ANO3: variants seen among roughly 807,000 people sequenced by gnomAD.
ANO3 encodes anoctamin 3.
A neutral mutation model predicts 144.8 loss-of-function variants in ANO3; 99 were observed. The ratio of observed to expected loss-of-function variants is 0.68; its 90% CI spans 0.58 to 0.81. The LOEUF (loss-of-function observed/expected upper bound fraction) is 0.81. ANO3 is among the 30% of genes least tolerant of loss of function. ANO3 has a pLI of 0.00. For synonymous variants in ANO3, 414 were observed against 392.6 expected (o/e 1.05, Z -0.64); for missense variants, 905 against 1,202.2 (o/e 0.75, Z 3.66).
At chr11:26,564,201 G>A (rs1394426693) in intron 14 of ANO3, among the ~76,000 whole-genome samples, 2 of 151,492 alleles carry the variant, frequency 1.3e-5, no homozygotes, top group Non-Finnish European at 3.0e-5. Context: ...ACAAAAGAGA[G>A]GAAGCATTTT....
intron 1 of ANO3, among the ~76,000 whole-genome samples, chr11:26,344,736 T>C (rs1452979703): frequency 6.6e-6 from 1 of 152,162 alleles, no homozygotes; most frequent in Non-Finnish European, 1.5e-5. Flanking sequence ...TGAATGGTGC[T>C]TCTCTATTTC....
intron 3 of ANO3, among the ~76,000 whole-genome samples, chr11:26,455,897 C>G (rs1859137043): frequency 6.6e-6 from 1 of 151,786 alleles, no homozygotes; most frequent in African/African-American, 2.4e-5. Context: ...TGGAACAGAA[C>G]AGAGCCCTCA....
At chr11:26,377,505 C>G (rs962721108) in intron 1 of ANO3, among the ~76,000 whole-genome samples, 5 of 151,778 alleles carry the variant, frequency 3.3e-5, no homozygotes, top group African/African-American at 9.7e-5. Flanking sequence ...AATAAAAACG[C>G]AAAATATAAC....
At position 26,245,018 on chromosome 11, in the gene ANO3, T is replaced by TGTGTGTGTGTGCGC. The variant is rs151031559; in HGVS notation, c.154+55691_154+55692insTGTGTGTGCGCGTG. Among the ~76,000 whole-genome samples, 245 of 145,418 alleles carry TGTGTGTGTGTGCGC rather than the reference T, an allele frequency of 1.7e-3. 5 individuals are homozygous for TGTGTGTGTGTGCGC. The highest frequency in any genetic ancestry group is 5.0e-3 in the African/African-American group (196 of 39,534). On this transcript the variant is annotated intron_variant, in intron 1 of 27. Transcript: ENST00000672621. ...GTGTGTGTGTGTGTGTGTGTGTGTG[T>TGTGTGTGTGTGCGC]GTGCATGCATGCATTTGTCTTTCAT...
At chr11:26,522,078 G>C (rs1291862309) in intron 6 of ANO3, among the ~76,000 whole-genome samples, 1 of 151,964 alleles carries the variant, frequency 6.6e-6, no homozygotes, top group East Asian at 1.9e-4. Flanking sequence ...CAGCTACTCG[G>C]GAGGCTGAGG....
chr11:26,649,448 G>T (rs72881757), intron 24 of ANO3, among the ~76,000 whole-genome samples: 20 of 152,292 alleles, frequency 1.3e-4, no homozygotes, highest in African/African-American at 2.9e-4. Context: ...TTCATAATAA[G>T]AAATGTTCGG....
chr11:26,647,338 A>C (rs1853377809), intron 23 of ANO3, among the ~76,000 whole-genome samples: 1 of 152,232 alleles, frequency 6.6e-6, no homozygotes, highest in South Asian at 2.1e-4. Flanking sequence ...GATATTTCAC[A>C]GTGTGCATAA....
intron 8 of ANO3, among the ~76,000 whole-genome samples, chr11:26,532,167 A>G (rs1849391044): frequency 6.6e-6 from 1 of 152,186 alleles, no homozygotes; most frequent in African/African-American, 2.4e-5. Flanking sequence ...ATAGCCATCA[A>G]TCAATGGGAA....
At chr11:26,361,040 G>A (rs1314404650) in intron 1 of ANO3, among the ~76,000 whole-genome samples, 1 of 152,096 alleles carries the variant, frequency 6.6e-6, no homozygotes, top group African/African-American at 2.4e-5. Context: ...TTTATACTCA[G>A]CATGTGACAA....
chr11:26,603,937 T>C (rs1009653270), intron 17 of ANO3, among the ~76,000 whole-genome samples: 1 of 152,162 alleles, frequency 6.6e-6, no homozygotes, highest in African/African-American at 2.4e-5. Context: ...TGATGGCATT[T>C]ATCATTTCTT....
chr11:26,253,166 C>CA (rs1220282455), intron 1 of ANO3, among the ~76,000 whole-genome samples: 2 of 152,104 alleles, frequency 1.3e-5, no homozygotes, highest in Non-Finnish European at 2.9e-5. Context: ...TCTCTACACA[C>CA]AAAAAACACA....
intron 10 of ANO3, among the ~76,000 whole-genome samples, chr11:26,540,377 C>T (rs1849613289): frequency 6.6e-6 from 1 of 152,084 alleles, no homozygotes; most frequent in South Asian, 2.1e-4. Flanking sequence ...CGATAAAATT[C>T]AACACCCCGT....
intron 14 of ANO3, among the ~76,000 whole-genome samples, chr11:26,596,761 T>A (rs746152662): frequency 1.3e-5 from 2 of 152,118 alleles, no homozygotes; most frequent in Admixed American, 6.5e-5. Flanking sequence ...CCAGGAGATA[T>A]GGGTCAGAAG....
At chr11:26,215,639 A>G (rs953990777) in intron 1 of ANO3, among the ~76,000 whole-genome samples, 38 of 152,040 alleles carry the variant, frequency 2.5e-4, no homozygotes, top group Non-Finnish European at 4.4e-5. Context: ...GTAATTCAAC[A>G]TTGCTACTAA....
rs766181740 is a variant in ANO3 at position 26,643,216 on chromosome 11, G to A, written c.2310G>A (p.Ala770=). Residue 770 remains alanine, a synonymous_variant, in exon 23 of 27, where the codon GCG becomes GCA. Transcript: ENST00000256737. The part of the protein sequence containing the change: ...LQFGFTTIFV[A]AFPLAPLLAL... ...TTGGTTTTACCACCATCTTTGTTGC[G>A]GCTTTTCCTCTAGCCCCTCTTTTGG... 8 of 1,613,746 alleles carry A rather than the reference G, an allele frequency of 5.0e-6. No homozygotes were observed. In the East Asian group the frequency reaches 6.7e-5, roughly 13 times the overall value.
intron 1 of ANO3, among the ~76,000 whole-genome samples, chr11:26,423,306 A>G (rs1306926225): frequency 1.7e-5 from 1 of 57,886 alleles, no homozygotes; most frequent in African/African-American, 5.9e-5. Flanking sequence ...ATATACCTTT[A>G]TACTTTTTTT....
intron 1 of ANO3, among the ~76,000 whole-genome samples, chr11:26,340,414 C>A (rs1297623257): frequency 6.6e-6 from 1 of 152,160 alleles, no homozygotes; most frequent in African/African-American, 2.4e-5. Context: ...TACTGCAGCT[C>A]ATTTTCTTAC....
intron 11 of ANO3, among the ~76,000 whole-genome samples, chr11:26,547,137 G>C (rs189203383): frequency 1.3e-5 from 2 of 151,874 alleles, no homozygotes; most frequent in African/African-American, 4.8e-5. Flanking sequence ...CTAGTAGGAA[G>C]ATGGAGAAAA....
At chr11:26,378,419 T>TTATC (rs11372051) in intron 1 of ANO3, among the ~76,000 whole-genome samples, 38,467 of 144,606 alleles carry the variant, frequency 0.27, 5,684 homozygotes, top group African/African-American at 0.39. Context: ...TATATATTAT[T>TTATC]TATCTATCTA....
Sources: gnomAD v4.1 joint callset for allele counts (sites outside exome capture counted in the v4.1 genomes callset) on GRCh38, gnomAD v4.1.1 for gene constraint, MANE v1.5 for transcripts, NCBI Gene and HGNC (gene_info 2026-07-23, HGNC 2026-07-21) for gene names.